Variants in RALGDS observed in about 807,000 individuals in gnomAD.
The protein encoded by RALGDS is ral guanine nucleotide exchange factor.
Under a neutral mutation model 99.8 loss-of-function variants are expected in RALGDS, and 44 were observed. That is an observed-to-expected ratio of 0.44 (90% confidence interval 0.35 to 0.57). The LOEUF is 0.57. Among genes scored for constraint, RALGDS ranks in the 20% least tolerant of loss-of-function variants. The pLI, the probability that RALGDS is intolerant of heterozygous loss-of-function variation, is 0.01. For missense variants in RALGDS, 1,022 were observed against 1,203.1 expected, an observed-to-expected ratio of 0.85 and a Z score of 2.23; for synonymous variants, 529 against 505.0, an observed-to-expected ratio of 1.05 and a Z score of -0.64.
At position 133,108,823 on chromosome 9, in the gene RALGDS, C is replaced by T; in HGVS notation, c.628G>A (p.Glu210Lys). 6.2e-7 allele frequency: 1 copy of T among 1,613,284 alleles called. No homozygotes were observed. The highest frequency in any genetic ancestry group is 8.5e-7 in the Non-Finnish European group (1 of 1,179,976). The change falls in exon 5 of 18, where the codon GAG (glutamate) becomes AAG (lysine). Residue 210 changes from glutamate (E) to lysine (K), a missense_variant. By Grantham distance (56) the Glu-to-Lys change is moderately conservative. Transcript: ENST00000372050. ...AAGTCCGGAGGTTGACAGAAATCCT[C>T]CGAGTACTGGTCCAGCCAGGTGCCC... Reference protein sequence around the residue: ...ILGTWLDQYSEDFCQPPDFPC... With the variant: ...ILGTWLDQYSKDFCQPPDFPC...
At chr9:133,120,433 C>T (rs1185336740) in intron 1 of RALGDS, among the ~76,000 whole-genome samples, 1 of 138,062 alleles carries the variant, frequency 7.2e-6, no homozygotes, top group East Asian at 2.3e-4. Context: ...CCCCGACCCC[C>T]CCCCCACCCC....
At chr9:133,142,327 T>A (rs1832537772) in intron 1 of RALGDS, among the ~76,000 whole-genome samples, 1 of 152,132 alleles carries the variant, frequency 6.6e-6, no homozygotes, top group Admixed American at 6.5e-5. Context: ...CATTTTCTCT[T>A]TCAGCCTCAG....
intron 1 of RALGDS, among the ~76,000 whole-genome samples, chr9:133,146,374 T>C (rs992815446): frequency 3.3e-5 from 5 of 152,176 alleles, no homozygotes; most frequent in African/African-American, 1.2e-4. Context: ...TTCTTTTTTG[T>C]AGAGACGGGG....
At chr9:133,142,765 T>C (rs1253109047) in intron 1 of RALGDS, among the ~76,000 whole-genome samples, 1 of 152,196 alleles carries the variant, frequency 6.6e-6, no homozygotes, top group Non-Finnish European at 1.5e-5. Flanking sequence ...ATTAGCTCTG[T>C]TTATGTCTCC....
intron 12 of RALGDS, 150 bp from the exon 13 acceptor site, chr9:133,103,050 G>A (rs577131527): frequency 1.3e-5 from 19 of 1,413,548 alleles, no homozygotes; most frequent in Non-Finnish European, 1.8e-5. Context: ...CACTCCCCAG[G>A]AGGTGGTCCT....
At chr9:133,100,531 T>C (rs539257173) in intron 16 of RALGDS, 149 bp from the exon 17 acceptor site, 347 of 1,526,596 alleles carry the variant, frequency 2.3e-4, no homozygotes, top group Non-Finnish European at 2.8e-4. Context: ...GAGAGGGCCT[T>C]GTCACATTCT....
intron 1 of RALGDS, among the ~76,000 whole-genome samples, chr9:133,137,427 G>A (rs144681107): frequency 2.0e-4 from 31 of 152,336 alleles, no homozygotes; most frequent in Admixed American, 3.3e-4. Flanking sequence ...TAAAATATTC[G>A]GAGGTTCTTG....
chr9:133,100,165 C>T (rs1433522832), intron 17 of RALGDS, 103 bp downstream of exon 17: 5 of 1,063,288 alleles, frequency 4.7e-6, no homozygotes, highest in East Asian at 2.4e-5. Flanking sequence ...TGTCTACCCA[C>T]ACTCTGCTGG....
intron 1 of RALGDS, chr9:133,129,003 G>T: frequency 9.0e-7 from 1 of 1,107,618 alleles, no homozygotes. Context: ...AGACTCCCCT[G>T]TGAGTTCCAA....
intron 1 of RALGDS, among the ~76,000 whole-genome samples, chr9:133,147,703 G>A (rs1217178803): frequency 6.6e-6 from 1 of 152,222 alleles, no homozygotes; most frequent in Non-Finnish European, 1.5e-5. Flanking sequence ...GCCGGCACTA[G>A]CACAGCAGCA....
At chr9:133,110,146 C>G in intron 3 of RALGDS, 150 bp downstream of exon 3, 1 of 824,700 alleles carries the variant, frequency 1.2e-6, no homozygotes, top group Non-Finnish European at 1.9e-6. Context: ...TGGTGACAAC[C>G]CCATGAGGTC....
intron 4 of RALGDS, among the ~76,000 whole-genome samples, chr9:133,109,244 A>G (rs1831221825): frequency 6.6e-6 from 1 of 152,156 alleles, no homozygotes; most frequent in African/African-American, 2.4e-5. Flanking sequence ...CTGTTCTCCC[A>G]GAGGGTGGGG....
Position 133,098,427 on chromosome 9 carries a change from C to T in RALGDS, c.*160G>A, listed in dbSNP as rs1830595798. On this transcript the variant is annotated 3_prime_UTR_variant, in exon 18 of 18. Transcript: ENST00000372050. Reference sequence around the variant, plus strand: ...CCACGGGAGGCCAGGTCAGCCTGACCAATGGCAGGCGTCAATCCCAGCAGC... The same window carrying T: ...CCACGGGAGGCCAGGTCAGCCTGACTAATGGCAGGCGTCAATCCCAGCAGC... 2 of 764,198 alleles carry T rather than the reference C, an allele frequency of 2.6e-6. No individual in the cohort carries two copies. Among genetic ancestry groups the T allele is most frequent in the Non-Finnish European group, 4.3e-6 (2 of 463,340 alleles). 47.3% of individuals were successfully genotyped at this position (764,198 alleles called of 1,614,324 possible).
At chr9:133,133,602 C>T (rs893631020), upstream of RALGDS, among the ~76,000 whole-genome samples, 2 of 152,172 alleles carry the variant, frequency 1.3e-5, no homozygotes, top group African/African-American at 2.4e-5. Flanking sequence ...GCCTCCCCAC[C>T]GCAACTCTGG....
intron 1 of RALGDS, among the ~76,000 whole-genome samples, chr9:133,118,331 T>A (rs1272459407): frequency 5.3e-5 from 8 of 152,106 alleles, no homozygotes; most frequent in African/African-American, 1.9e-4. Flanking sequence ...GATCAAACAG[T>A]GGGAAGACGC....
At chr9:133,117,543 GC>G (rs2119198996) in intron 1 of RALGDS, among the ~76,000 whole-genome samples, 1 of 152,350 alleles carries the variant, frequency 6.6e-6, no homozygotes, top group South Asian at 2.1e-4. Context: ...TGCCTCCCCC[GC>G]CCGTGGGCAG....
chr9:133,104,578 A>G (rs1588515598), intron 9 of RALGDS: 1 of 523,980 alleles, frequency 1.9e-6, no homozygotes, highest in Non-Finnish European at 3.5e-6. Context: ...TTGGAAGGCC[A>G]AGGCAGGTGG....
chr9:133,098,659 G>T lies in RALGDS; in HGVS notation c.2673C>A (p.Val891=). The T allele has an allele frequency of 6.2e-7, 1 of 1,614,164 alleles. No homozygotes were observed. The highest frequency in any genetic ancestry group is 1.1e-5 in the South Asian group (1 of 91,078). ...KKRTFTKGVK[V]KHGASSTLPR... ...GGAGGGTGGAGCTGGCTCCGTGCTT[G>T]ACCTTCACTCCCTTGGTGAAGGTCC... The change falls in exon 18 of 18, where the codon GTC becomes GTA. Residue 891 remains valine (V), a synonymous_variant. Coordinates refer to ENST00000372050, the MANE Select transcript of RALGDS (RefSeq NM_006266.4).
intron 1 of RALGDS, among the ~76,000 whole-genome samples, chr9:133,128,019 A>G (rs980337749): frequency 2.0e-5 from 3 of 152,194 alleles, no homozygotes; most frequent in Non-Finnish European, 4.4e-5. Flanking sequence ...CACCCCCGGC[A>G]TATTGAGGGG....
Sources: allele counts gnomAD v4.1 joint callset (sites outside exome capture counted in the v4.1 genomes callset), GRCh38; gene constraint gnomAD v4.1.1; transcripts MANE v1.5; gene names NCBI Gene and HGNC (gene_info 2026-07-23, HGNC 2026-07-21).